CADPS2: variants seen among roughly 807,000 people sequenced by gnomAD.
CADPS2 encodes calcium dependent secretion activator 2.
A neutral mutation model predicts 172.5 loss-of-function variants in CADPS2; 93 were observed. The observed-to-expected ratio is 0.54, with a 90% CI of 0.46 to 0.64. CADPS2 has a LOEUF of 0.64. Ranked by LOEUF, CADPS2 falls within the 30% of genes least tolerant of loss-of-function variation. CADPS2 has a pLI of 0.00. For synonymous variants in CADPS2, 546 were observed against 555.2 expected (o/e 0.98, Z 0.23); for missense variants, 1,420 against 1,565.9 (o/e 0.91, Z 1.57).
At chr7:122,660,631 C>T (rs1357412570) in intron 3 of CADPS2, among the ~76,000 whole-genome samples, 1 of 150,928 alleles carries the variant, frequency 6.6e-6, no homozygotes, top group Non-Finnish European at 1.5e-5. Flanking sequence ...AAAACTTGGG[C>T]CAAGCGCTGT....
intron 3 of CADPS2, among the ~76,000 whole-genome samples, chr7:122,647,997 T>C (rs927978045): frequency 6.6e-6 from 1 of 152,182 alleles, no homozygotes. Context: ...CTCAATAAGG[T>C]TTGCTCTCAA....
chr7:122,658,286 T>C (rs2080065453), intron 3 of CADPS2, among the ~76,000 whole-genome samples: 1 of 152,210 alleles, frequency 6.6e-6, no homozygotes, highest in South Asian at 2.1e-4. Flanking sequence ...TTTTACACTG[T>C]TGGTGGGACT....
intron 13 of CADPS2, 100 bp from the exon 14 acceptor site, chr7:122,471,662 G>C (rs923485858): frequency 1.1e-6 from 1 of 916,750 alleles, no homozygotes; most frequent in African/African-American, 1.7e-5. Flanking sequence ...GAAGCTGCAT[G>C]AAAGTATCTT....
At chr7:122,444,930 G>A (rs2051939032) in intron 15 of CADPS2, among the ~76,000 whole-genome samples, 1 of 152,060 alleles carries the variant, frequency 6.6e-6, no homozygotes, top group Non-Finnish European at 1.5e-5. Flanking sequence ...GTTAACTTTT[G>A]TATTATGGGT....
chr7:122,544,537 T>A (rs1273427321), intron 8 of CADPS2, among the ~76,000 whole-genome samples: 1 of 152,158 alleles, frequency 6.6e-6, no homozygotes. Flanking sequence ...GTGGTCAGTT[T>A]CACGCTGGCT....
intron 9 of CADPS2, among the ~76,000 whole-genome samples, chr7:122,506,584 T>A (rs2059621667): frequency 6.6e-6 from 1 of 152,186 alleles, no homozygotes; most frequent in South Asian, 2.1e-4. Context: ...CATTCAGGTT[T>A]GTATGTCGTA....
intron 1 of CADPS2, among the ~76,000 whole-genome samples, chr7:122,745,546 T>C (rs1408095817): frequency 1.3e-5 from 2 of 151,492 alleles, no homozygotes; most frequent in Non-Finnish European, 2.9e-5. Context: ...TATTTGCTTA[T>C]TATTTAAGTC....
intron 3 of CADPS2, among the ~76,000 whole-genome samples, chr7:122,658,591 T>C (rs143686809): frequency 0.18 from 26,694 of 152,166 alleles, 3,084 homozygotes; most frequent in Non-Finnish European, 0.26. Context: ...TGTAGGGACA[T>C]GGATGAAGCT....
intron 1 of CADPS2, among the ~76,000 whole-genome samples, chr7:122,752,315 T>C (rs2092984796): frequency 6.6e-6 from 1 of 152,178 alleles, no homozygotes; most frequent in Non-Finnish European, 1.5e-5. Flanking sequence ...AAATTATCTC[T>C]ATAGCAAAGA....
At chr7:122,760,900 C>T (rs886744991) in intron 1 of CADPS2, among the ~76,000 whole-genome samples, 5 of 151,940 alleles carry the variant, frequency 3.3e-5, no homozygotes, top group African/African-American at 1.2e-4. Context: ...CAACATGGCA[C>T]ATGTATACAT....
At chr7:122,368,995 G>A (rs751120051) in intron 25 of CADPS2, among the ~76,000 whole-genome samples, 4 of 151,958 alleles carry the variant, frequency 2.6e-5, no homozygotes, top group Non-Finnish European at 4.4e-5. Flanking sequence ...CACTTCGGTT[G>A]GTTTAATTTT....
intron 2 of CADPS2, chr7:122,698,424 A>G: frequency 6.2e-7 from 1 of 1,614,044 alleles, no homozygotes; most frequent in Non-Finnish European, 8.5e-7. Flanking sequence ...TCTTAATTAA[A>G]TGGAAAATTT....
intron 12 of CADPS2, among the ~76,000 whole-genome samples, chr7:122,479,845 T>C (rs6945154): frequency 0.4 from 60,499 of 152,062 alleles, 12,276 homozygotes; most frequent in African/African-American, 0.45. Context: ...GTTTATATTT[T>C]AATTTAATAA....
At chr7:122,510,630 A>G (rs994557052) in intron 9 of CADPS2, among the ~76,000 whole-genome samples, 3 of 152,120 alleles carry the variant, frequency 2.0e-5, no homozygotes, top group African/African-American at 7.2e-5. Context: ...TTATCAACAG[A>G]GCATCATTCT....
chr7:122,471,415 A>G lies in CADPS2; in HGVS notation c.2146T>C (p.Tyr716His), dbSNP rs771808147. Reference sequence around the variant, plus strand: ...TGAGAGGCACAGAATGCAAAGCTGTAATGGAGCAGGGTAGGGTCAATGACA... The same window carrying G: ...TGAGAGGCACAGAATGCAAAGCTGTGATGGAGCAGGGTAGGGTCAATGACA... Reference protein sequence around the residue: ...GAVIDPTLLHYSFAFCASHVH... With the variant: ...GAVIDPTLLHHSFAFCASHVH... The change falls in exon 14 of 30, where the codon TAC (tyrosine) becomes CAC (histidine). Residue 716 changes from tyrosine (Y) to histidine (H), a missense_variant. Coordinates refer to ENST00000449022, the MANE Select transcript of CADPS2 (RefSeq NM_017954.11). 6.2e-6 allele frequency: 10 copies of G among 1,613,346 alleles called. No homozygotes were observed. Among genetic ancestry groups the G allele is most frequent in the Non-Finnish European group, 8.5e-6 (10 of 1,179,616 alleles).
chr7:122,832,292 C>A (rs1806797215), intron 1 of CADPS2, among the ~76,000 whole-genome samples: 2 of 145,198 alleles, frequency 1.4e-5, no homozygotes, highest in African/African-American at 2.6e-5. Flanking sequence ...TAGACAAATA[C>A]AAAAAGTGTG....
At chr7:122,704,655 T>C (rs1212285605) in intron 2 of CADPS2, among the ~76,000 whole-genome samples, 2 of 152,124 alleles carry the variant, frequency 1.3e-5, no homozygotes, top group Admixed American at 6.6e-5. Context: ...TCATTCATTC[T>C]ATTTTTCTCA....
chr7:122,626,004 G>A (rs1002455161), intron 4 of CADPS2, among the ~76,000 whole-genome samples: 1 of 152,148 alleles, frequency 6.6e-6, no homozygotes, highest in Non-Finnish European at 1.5e-5. Context: ...TGAAGAGTCA[G>A]GGCCAAGACC....
chr7:122,426,891 A>T (rs2049230963), intron 17 of CADPS2, among the ~76,000 whole-genome samples: 1 of 152,220 alleles, frequency 6.6e-6, no homozygotes, highest in African/African-American at 2.4e-5. Flanking sequence ...CATTCTATAT[A>T]AAAGTAAAAA....
Sources: allele counts gnomAD v4.1 joint callset (sites outside exome capture counted in the v4.1 genomes callset), GRCh38; gene constraint gnomAD v4.1.1; transcripts MANE v1.5; gene names NCBI Gene and HGNC (gene_info 2026-07-23, HGNC 2026-07-21).